Variants in ZNF695 observed in about 807,000 individuals in gnomAD.
ZNF695 encodes zinc finger protein 695.
A neutral mutation model predicts 11.2 loss-of-function variants in ZNF695; 11 were observed. The observed-to-expected ratio is 0.98, with a 90% CI of 0.62 to 1.62. The LOEUF (loss-of-function observed/expected upper bound fraction) is 1.62. Among genes scored for constraint, ZNF695 ranks in the 40% most tolerant of loss-of-function variants. The pLI is 0.00. For missense variants in ZNF695, 559 were observed against 590.5 expected (o/e 0.95, Z 0.55); for synonymous variants, 190 against 201.4 (o/e 0.94, Z 0.48).
chr1:246,950,512 G>A (rs368626603), intron 5 of ZNF695, among the ~76,000 whole-genome samples: 2 of 151,962 alleles, frequency 1.3e-5, no homozygotes, highest in African/African-American at 2.4e-5. Flanking sequence ...TTAGCTGGGC[G>A]TGGTGGCACG....
chr1:247,005,574 G>C (rs1163821702), intron 1 of ZNF695, among the ~76,000 whole-genome samples: 2 of 152,022 alleles, frequency 1.3e-5, no homozygotes, highest in Non-Finnish European at 2.9e-5. Flanking sequence ...TTAGCTAGCT[G>C]TGGTGGCCTG....
chr1:246,979,056 A>G (rs1196661331), intron 4 of ZNF695, among the ~76,000 whole-genome samples: 1 of 152,202 alleles, frequency 6.6e-6, no homozygotes, highest in Non-Finnish European at 1.5e-5. Flanking sequence ...TTCAAAGTCT[A>G]CAACAGTCAG....
At chr1:246,948,411 T>C (rs1229395997) in intron 5 of ZNF695, among the ~76,000 whole-genome samples, 1 of 152,056 alleles carries the variant, frequency 6.6e-6, no homozygotes, top group Non-Finnish European at 1.5e-5. Context: ...ACTCCAAGTG[T>C]GGATCCCAAA....
In ZNF695 at chr1:246,976,760, C is replaced by G. The variant is rs547770238; in HGVS notation, c.391-8968G>C. On this transcript the variant is annotated intron_variant, in intron 4 of 5. Coordinates refer to the ZNF695 transcript ENST00000487338. ...AGTGTGCTGAGATCGCGCCACTGCA[C>G]TCCAGCCTGGGCGACAGAGCGAAAC... Among the ~76,000 whole-genome samples the G allele has an allele frequency of 7.5e-4, 114 of 152,170 alleles. 1 individual carries two copies. The highest frequency in any genetic ancestry group is 1.3e-3 in the Non-Finnish European group (86 of 68,000).
intron 4 of ZNF695, among the ~76,000 whole-genome samples, chr1:246,977,037 C>T (rs79765359): frequency 0.019 from 2,930 of 152,278 alleles, 54 homozygotes; most frequent in Non-Finnish European, 0.028. Context: ...AGATCAGTTA[C>T]GCACATATTT....
Position 246,986,733 on chromosome 1 carries a change from T to C in ZNF695, c.*234A>G, listed in dbSNP as rs1668860465. On this transcript the variant is annotated 3_prime_UTR_variant, in exon 4 of 4. Transcript: ENST00000339986. ...GAGCAACTGGAGGGTTTCCCTCCAGTATAAATTCTTCTGTGTACAGTAAGA... is the reference window on the plus strand; with the variant it reads ...GAGCAACTGGAGGGTTTCCCTCCAGCATAAATTCTTCTGTGTACAGTAAGA... 1.7e-6 allele frequency: 2 copies of C among 1,196,936 alleles called. No homozygotes were observed. Among genetic ancestry groups the C allele is most frequent in the Non-Finnish European group, 2.1e-6 (2 of 963,620 alleles). 74.1% of individuals were successfully genotyped at this position (1,196,936 alleles called of 1,614,324 possible). A position where few individuals can be genotyped will look rare whatever the true frequency, so the allele number is the denominator to read the frequency against.
chr1:246,988,939 A>C (rs1668939442), intron 3 of ZNF695, among the ~76,000 whole-genome samples: 1 of 151,848 alleles, frequency 6.6e-6, no homozygotes, highest in African/African-American at 2.4e-5. Flanking sequence ...AAAATACAAA[A>C]AAAAATTAGC....
chr1:246,990,928 T>C (rs761124389), intron 3 of ZNF695, among the ~76,000 whole-genome samples: 4 of 151,966 alleles, frequency 2.6e-5, no homozygotes, highest in African/African-American at 7.2e-5. Flanking sequence ...AAACAAAATA[T>C]ACCAAAACCT....
chr1:247,003,672 G>C (rs1321820745), intron 1 of ZNF695, among the ~76,000 whole-genome samples: 2 of 151,990 alleles, frequency 1.3e-5, no homozygotes, highest in African/African-American at 4.8e-5. Context: ...TTATAGTTTT[G>C]GTAAACTAAA....
chr1:246,958,343 C>A (rs931653129), intron 5 of ZNF695, among the ~76,000 whole-genome samples: 3 of 152,144 alleles, frequency 2.0e-5, no homozygotes, highest in African/African-American at 7.2e-5. Flanking sequence ...CAGGCGTGAG[C>A]CACTGCACCC....
intron 5 of ZNF695, among the ~76,000 whole-genome samples, chr1:246,965,902 G>A (rs1668278309): frequency 1.3e-5 from 2 of 151,522 alleles, no homozygotes; most frequent in South Asian, 4.1e-4. Flanking sequence ...CAGGTATTCT[G>A]TTATAAGCAA....
At chr1:246,961,790 A>G (rs1375115082) in intron 5 of ZNF695, among the ~76,000 whole-genome samples, 1 of 152,170 alleles carries the variant, frequency 6.6e-6, no homozygotes, top group Non-Finnish European at 1.5e-5. Flanking sequence ...AGATAGCTTG[A>G]ACTTAGTAGT....
intron 1 of ZNF695, among the ~76,000 whole-genome samples, chr1:247,007,163 T>C (rs1350257153): frequency 6.6e-6 from 1 of 152,168 alleles, no homozygotes; most frequent in East Asian, 1.9e-4. Context: ...CACTGTTTGC[T>C]GGAATAAACT....
Position 246,985,820 on chromosome 1 carries a change from A to G in ZNF695, c.*1147T>C, listed in dbSNP as rs193058510. ...TAAGACAAGTACAAAGAGCCTCTCC[A>G]GTTAAATTTCTTCAGGAAGCTTACA... On this transcript the variant is annotated 3_prime_UTR_variant, in exon 4 of 4. Transcript: ENST00000339986. 3.0e-6 allele frequency: 3 copies of G among 985,446 alleles called. No homozygotes were observed. In the East Asian group the frequency reaches 3.4e-4, roughly 112 times the overall value. The allele number at this position is 985,446 out of a possible 1,614,324, so 61.0% of individuals were successfully genotyped here. A position where few individuals can be genotyped will look rare whatever the true frequency, so the allele number is the denominator to read the frequency against.
At chr1:246,952,549 C>CTTTT (rs11326820) in intron 5 of ZNF695, among the ~76,000 whole-genome samples, 1 of 137,372 alleles carries the variant, frequency 7.3e-6, no homozygotes, top group East Asian at 2.2e-4. Context: ...TCTTCTTCTT[C>CTTTT]TTTTTTTTTT....
chr1:246,987,264 A>G lies in ZNF695; in HGVS notation c.1251T>C (p.Phe417=), dbSNP rs747229774. ...PYKCEECGKA[F]TWFSYLTQHK... ...GTTGAGTAAGGTATGAAAACCAGGT[A>G]AAAGCTTTGCCACATTCCTCACATT... The change falls in exon 4 of 4, where the codon TTT becomes TTC. Residue 417 remains phenylalanine (F), a synonymous_variant. Coordinates refer to ENST00000339986, the MANE Select transcript of ZNF695 (RefSeq NM_020394.5). 6.2e-7 allele frequency: 1 copy of G among 1,613,900 alleles called. No homozygotes were observed.
chr1:246,946,567 TC>T (rs1289618222), intron 5 of ZNF695, among the ~76,000 whole-genome samples: 2 of 152,354 alleles, frequency 1.3e-5, no homozygotes, highest in African/African-American at 4.8e-5. Flanking sequence ...GCGGGCCCTC[TC>T]CCGGTGACAG....
downstream of ZNF695, among the ~76,000 whole-genome samples, chr1:246,981,551 T>A (rs539336432): frequency 2.0e-5 from 3 of 152,298 alleles, no homozygotes; most frequent in South Asian, 6.2e-4. Flanking sequence ...AAAGTTTTCG[T>A]GATGTTTTTG....
rs557229891 is a variant in ZNF695, at chr1:246,953,483, C to T, written c.489-7656G>A. ...AAAATTAGCCAGGCGTGGTGGCACA[C>T]GCCTGTAGTCCCAGCTACTCGGGAG... On this transcript the variant is annotated intron_variant, in intron 5 of 5. Transcript: ENST00000487338. 1.2e-4 allele frequency among the ~76,000 whole-genome samples: 19 copies of T among 152,138 alleles called. No individual in the cohort carries two copies. In the South Asian group the frequency reaches 3.7e-3, roughly 30 times the overall value.
Sources: gnomAD v4.1 joint callset for allele counts (sites outside exome capture counted in the v4.1 genomes callset) on GRCh38, gnomAD v4.1.1 for gene constraint, MANE v1.5 for transcripts, NCBI Gene and HGNC (gene_info 2026-07-23, HGNC 2026-07-21) for gene names.